C16orf96: variants seen among roughly 807,000 people sequenced by gnomAD.
The protein encoded by C16orf96 is uncharacterized protein C16orf96.
C16orf96 carries 108 observed loss-of-function variants against 103.6 expected under a neutral mutation model. The observed-to-expected ratio is 1.04, with a 90% confidence interval of 0.89 to 1.22. The LOEUF (loss-of-function observed/expected upper bound fraction) is 1.22. C16orf96 is among the 50% of genes most tolerant of loss of function. The probability of loss-of-function intolerance (pLI) is 0.00; values close to 1 mark genes in which losing one functional copy is unlikely to be tolerated. For missense variants in C16orf96, 1,586 were observed against 1,464.2 expected, an observed-to-expected ratio of 1.08 and a Z score of -1.36; for synonymous variants, 566 against 593.5, an observed-to-expected ratio of 0.95 and a Z score of 0.67.
At chr16:4,552,603 A>G (rs2059235140), upstream of C16orf96, among the ~76,000 whole-genome samples, 1 of 152,022 alleles carries the variant, frequency 6.6e-6, no homozygotes, top group African/African-American at 2.4e-5. Context: ...CGATAGTTGG[A>G]TGGGAATTTT....
intron 1 of C16orf96, among the ~76,000 whole-genome samples, chr16:4,557,998 G>A (rs776863038): frequency 1.3e-5 from 2 of 152,226 alleles, no homozygotes; most frequent in African/African-American, 2.4e-5. Context: ...AATGCCTGGA[G>A]GAGCTACCAT....
intron 14 of C16orf96, among the ~76,000 whole-genome samples, chr16:4,598,902 G>T (rs1735433899): frequency 6.6e-6 from 1 of 152,162 alleles, no homozygotes; most frequent in Non-Finnish European, 1.5e-5. Context: ...AGGATAGCTT[G>T]AGCCCAGGAG....
chr16:4,542,097 C>G, the C16orf96 span, among the ~76,000 whole-genome samples: 1 of 152,172 alleles, frequency 6.6e-6, no homozygotes, highest in Non-Finnish European at 1.5e-5. Flanking sequence ...CCAGGCTGGT[C>G]CCTGTGGCTC....
intron 2 of C16orf96, among the ~76,000 whole-genome samples, chr16:4,572,381 C>G (rs71384702): frequency 0.95 from 138,629 of 146,416 alleles, 66,109 homozygotes; most frequent in East Asian, 1. Flanking sequence ...CTCACTGCAA[C>G]CTCCACCTCC....
rs1225106773 is a variant in C16orf96, at chr16:4,600,683, T to C, written c.*366T>C. On this transcript the variant is annotated 3_prime_UTR_variant, in exon 16 of 16. Coordinates refer to ENST00000444310, the MANE Select transcript of C16orf96 (RefSeq NM_001145011.2). Reference sequence around the variant, plus strand: ...TGCTGACCCAGTGGCTGTTTTATCCTGTGCATATAAATACAAACAGCACAG... The same window carrying C: ...TGCTGACCCAGTGGCTGTTTTATCCCGTGCATATAAATACAAACAGCACAG... The C allele has an allele frequency of 1.4e-5, 4 of 284,170 alleles. No homozygotes were observed. The highest frequency in any genetic ancestry group is 4.2e-5 in the South Asian group (1 of 23,898). The allele number at this position is 284,170 out of a possible 1,614,324, so 17.6% of individuals were successfully genotyped here. A position where few individuals can be genotyped will look rare whatever the true frequency, so the allele number is the denominator to read the frequency against.
intron 1 of C16orf96, among the ~76,000 whole-genome samples, chr16:4,558,525 T>C (rs1195389921): frequency 6.6e-6 from 1 of 151,908 alleles, no homozygotes; most frequent in Non-Finnish European, 1.5e-5. Context: ...GGTGGGAGAA[T>C]CACTTAACCC....
chr16:4,554,246 GC>G (rs2059243424), upstream of C16orf96, among the ~76,000 whole-genome samples: 1 of 152,226 alleles, frequency 6.6e-6, no homozygotes, highest in African/African-American at 2.4e-5. Context: ...GTTGTGAAGA[GC>G]CCAGCTCAAG....
chr16:4,580,272 G>T, intron 7 of C16orf96, 147 bp downstream of exon 7: 33 of 473,034 alleles, frequency 7.0e-5, no homozygotes, highest in East Asian at 1.9e-4. Context: ...TTTACTGTGT[G>T]TAAATTACAC....
chr16:4,543,807 A>G, the C16orf96 span, among the ~76,000 whole-genome samples: 3 of 151,740 alleles, frequency 2.0e-5, no homozygotes, highest in African/African-American at 7.3e-5. Flanking sequence ...ACAACTGGCT[A>G]ATTTTTGTAT....
chr16:4,581,965 C>G (rs1444034688), intron 7 of C16orf96, among the ~76,000 whole-genome samples: 1 of 151,460 alleles, frequency 6.6e-6, no homozygotes, highest in African/African-American at 2.4e-5. Context: ...AAAAAGAAAG[C>G]AAAGAAACAA....
the C16orf96 span, among the ~76,000 whole-genome samples, chr16:4,546,763 C>G: frequency 6.6e-6 from 1 of 151,956 alleles, no homozygotes; most frequent in African/African-American, 2.4e-5. Context: ...AGCCACCACA[C>G]CCAACAGCTC....
chr16:4,569,427 A>G (rs2059413526), intron 1 of C16orf96, among the ~76,000 whole-genome samples: 1 of 151,912 alleles, frequency 6.6e-6, no homozygotes, highest in African/African-American at 2.4e-5. Context: ...CTCCTTCCCC[A>G]CTGCTCCCCA....
rs1567454605 is a variant in C16orf96 at position 4,588,331 on chromosome 16, G to C, written c.2592G>C (p.Lys864Asn). 4 of 1,547,428 alleles carry C rather than the reference G, an allele frequency of 2.6e-6. No individual in the cohort carries two copies. Among genetic ancestry groups the C allele is most frequent in the Non-Finnish European group, 3.5e-6 (4 of 1,143,754 alleles). Residue 864 changes from lysine to asparagine, a missense_variant and splice_region_variant, in exon 9 of 16, where the codon AAG (lysine) becomes AAC (asparagine). Coordinates refer to ENST00000444310, the MANE Select transcript of C16orf96 (RefSeq NM_001145011.2). ...AGCTCAGCAAGGACGTGAACACCAA[G>C]GTGAATGCCCCCATGTTGATTTTCA... ...MEELSKDVNT[K>N]LVHSDLDPLK...
At chr16:4,547,668 C>CCTTCCTTGCTTG in the C16orf96 span, among the ~76,000 whole-genome samples, 2 of 67,626 alleles carry the variant, frequency 3.0e-5, no homozygotes, top group Non-Finnish European at 6.8e-5. Flanking sequence ...TTCCTTCCTT[C>CCTTCCTTGCTTG]CTTGCTTCCT....
chr16:4,586,864 C>G (rs1896939064), intron 7 of C16orf96, among the ~76,000 whole-genome samples, 175 bp from the exon 8 acceptor site: 1 of 152,204 alleles, frequency 6.6e-6, no homozygotes, highest in Non-Finnish European at 1.5e-5. Context: ...CTTCCCTTTT[C>G]ATCTGGGCAC....
chr16:4,590,793 C>T (rs1181776656), intron 9 of C16orf96, among the ~76,000 whole-genome samples: 4 of 140,998 alleles, frequency 2.8e-5, no homozygotes, highest in Admixed American at 2.2e-4. Context: ...CTGAGGTGGG[C>T]GGATCACCTG....
intron 6 of C16orf96, among the ~76,000 whole-genome samples, 185 bp downstream of exon 6, chr16:4,579,210 G>GGA (rs2059552415): frequency 6.6e-6 from 1 of 151,958 alleles, no homozygotes; most frequent in South Asian, 2.1e-4. Flanking sequence ...GCGGTGGGGG[G>GGA]GCCCAGCAGG....
intron 1 of C16orf96, among the ~76,000 whole-genome samples, chr16:4,559,491 T>C (rs1260808239): frequency 6.6e-6 from 1 of 151,682 alleles, no homozygotes; most frequent in East Asian, 1.9e-4. Context: ...GTGGAGGTTC[T>C]AGTGGGCGGA....
rs1170028999 is a variant in C16orf96 at position 4,593,957 on chromosome 16, C to A, written c.2868-394C>A. On this transcript the variant is annotated intron_variant, in intron 12 of 15. Coordinates refer to ENST00000444310, the MANE Select transcript of C16orf96 (RefSeq NM_001145011.2). This position sits in a 1 kb window ranked among gnomAD's most constrained non-coding sequence, Gnocchi z 4.2. ...TCTATGGATCTCCCCAGCCTCCAAC[C>A]CTGCTGTGGGGACGTCTGGCCAGGT... 2.0e-5 allele frequency among the ~76,000 whole-genome samples: 3 copies of A among 152,180 alleles called. No individual in the cohort carries two copies. Among genetic ancestry groups the A allele is most frequent in the African/African-American group, 7.2e-5 (3 of 41,434 alleles).
Sources: gnomAD v4.1 joint callset for allele counts (sites outside exome capture counted in the v4.1 genomes callset) on GRCh38, gnomAD v4.1.1 for gene constraint, Gnocchi (gnomAD v3.1) non-coding constraint, MANE v1.5 for transcripts, NCBI Gene and HGNC (gene_info 2026-07-23, HGNC 2026-07-21) for gene names.